The following SYS1 variants were observed in gnomAD, a reference collection of about 807,000 sequenced individuals.
SYS1 encodes the protein SYS1 golgi trafficking protein, also known as protein SYS1 homolog.
SYS1 carries 8 observed loss-of-function variants against 17.8 expected under a neutral mutation model. That is an observed-to-expected ratio of 0.45 (90% CI 0.26 to 0.81). SYS1 has a LOEUF of 0.81. Ranked by LOEUF, SYS1 falls within the 40% of genes least tolerant of loss-of-function variation. The pLI is 0.16. For synonymous variants in SYS1, 95 were observed against 90.9 expected (o/e 1.05, Z -0.26); for missense variants, 161 against 203.9 (o/e 0.79, Z 1.28).
chr20:45,375,643 T>G, exon 4 of SYS1: 1 of 1,481,248 alleles, frequency 6.8e-7, no homozygotes. Context: ...GGGAGCCTGT[T>G]AAGAAAGGCT....
rs1320799510 is a variant in SYS1 at position 45,364,050 on chromosome 20, G to GGAAA, written c.162+358_162+361dup. Reference sequence around the variant, plus strand: ...AAAAGAGCATTCGTGCGGGTACAGTGGAAACTGCCTGGACTTTGGGGTCAG... The same window carrying GGAAA: ...AAAAGAGCATTCGTGCGGGTACAGTGGAAAGAAACTGCCTGGACTTTGGGGTCAG... On this transcript the variant is annotated intron_variant, in intron 2 of 3. Coordinates refer to ENST00000243918, the MANE Select transcript of SYS1 (RefSeq NM_033542.4). Among the ~76,000 whole-genome samples the GGAAA allele has an allele frequency of 9.2e-5, 14 of 152,330 alleles. No homozygotes were observed. In the South Asian group the frequency reaches 2.9e-3, roughly 32 times the overall value.
downstream of SYS1, among the ~76,000 whole-genome samples, chr20:45,369,581 A>G (rs1988513498): frequency 6.7e-6 from 1 of 148,236 alleles, no homozygotes; most frequent in African/African-American, 2.5e-5. Flanking sequence ...TACATTAAAT[A>G]TAGCCAGAGA....
At chr20:45,375,515 C>T in exon 4 of SYS1, 1 of 1,611,006 alleles carries the variant, frequency 6.2e-7, no homozygotes. Flanking sequence ...TGGAACTCTT[C>T]ATTATTTTGT....
downstream of SYS1, among the ~76,000 whole-genome samples, chr20:45,369,934 T>A (rs1422407431): frequency 6.6e-6 from 1 of 151,004 alleles, no homozygotes; most frequent in African/African-American, 2.4e-5. Flanking sequence ...CTTTTTTTTT[T>A]TTGAAACAGA....
At chr20:45,365,524 T>C in intron 2 of SYS1, 95 bp from the exon 3 acceptor site, 4 of 1,207,392 alleles carry the variant, frequency 3.3e-6, no homozygotes, top group Non-Finnish European at 1.2e-6. Context: ...TTCTGTGCTC[T>C]GGGAAGAATG....
exon 4 of SYS1, chr20:45,376,137 T>C (rs760641): frequency 0.64 from 98,082 of 152,148 alleles, 32,383 homozygotes; most frequent in African/African-American, 0.74. Flanking sequence ...TCCTGATCCT[T>C]CTAGCTCTAT....
chr20:45,373,875 C>G, downstream of SYS1: 1 of 1,578,702 alleles, frequency 6.3e-7, no homozygotes, highest in Non-Finnish European at 8.7e-7. Flanking sequence ...GCAGAGTAAG[C>G]AGTATTCGTC....
Position 45,368,149 on chromosome 20 carries a change from G to A in SYS1, c.*1034G>A, listed in dbSNP as rs928941768. The A allele has an allele frequency of 2.4e-5, 24 of 985,300 alleles. No individual in the cohort carries two copies. In the African/African-American group the frequency reaches 3.5e-4, roughly 14 times the overall value. The allele number at this position is 985,300 out of a possible 1,614,324, so 61.0% of individuals were successfully genotyped here. A position where few individuals can be genotyped will look rare whatever the true frequency, so the allele number is the denominator to read the frequency against. ...GCACTTACTTTGTAATGCCACGGTT[G>A]AGATTGAGAGAGATCAGCGCAGCCA... On this transcript the variant is annotated 3_prime_UTR_variant, in exon 4 of 4. Coordinates refer to ENST00000243918, the MANE Select transcript of SYS1 (RefSeq NM_033542.4).
chr20:45,365,388 C>G (rs1568917098), intron 2 of SYS1: 1 of 630,600 alleles, frequency 1.6e-6, no homozygotes, highest in Non-Finnish European at 2.9e-6. Context: ...GTTTTTACGT[C>G]CTCCTTTGTA....
At chr20:45,365,387 T>C in intron 2 of SYS1, 1 of 628,668 alleles carries the variant, frequency 1.6e-6, no homozygotes. Flanking sequence ...AGTTTTTACG[T>C]CCTCCTTTGT....
chr20:45,371,836 G>T (rs73907925), downstream of SYS1, among the ~76,000 whole-genome samples: 4,142 of 152,276 alleles, frequency 0.027, 184 homozygotes, highest in African/African-American at 0.094. Flanking sequence ...TGATGGCCGT[G>T]GTGTGGCGTG....
exon 4 of SYS1, chr20:45,376,084 CA>C (rs199567398): frequency 7.3e-5 from 11 of 150,192 alleles, no homozygotes; most frequent in Non-Finnish European, 1.0e-4. Flanking sequence ...TGTCTCCATA[CA>C]AAAAAAAAAT....
chr20:45,367,689 C>T lies in SYS1; in HGVS notation c.*574C>T. The T allele has an allele frequency of 2.0e-6, 2 of 990,952 alleles. No homozygotes were observed. The highest frequency in any genetic ancestry group is 1.1e-4 in the East Asian group (1 of 8,914). 61.4% of individuals were successfully genotyped at this position (990,952 alleles called of 1,614,324 possible). ...GGAGGCATCAAGCACAAGGAAAATG[C>T]ACAACCTGTGCCCTGTTATACACAC... On this transcript the variant is annotated 3_prime_UTR_variant, in exon 4 of 4. Coordinates refer to ENST00000243918, the MANE Select transcript of SYS1 (RefSeq NM_033542.4).
Position 45,367,532 on chromosome 20 carries a change from C to T in SYS1, c.*417C>T, listed in dbSNP as rs576059376. 5.9e-5 allele frequency: 59 copies of T among 1,001,896 alleles called. 1 individual carries two copies. In the South Asian group the frequency reaches 2.2e-3, roughly 38 times the overall value. The allele number at this position is 1,001,896 out of a possible 1,614,324, so 62.1% of individuals were successfully genotyped here. A position where few individuals can be genotyped will look rare whatever the true frequency, so the allele number is the denominator to read the frequency against. On this transcript the variant is annotated 3_prime_UTR_variant, in exon 4 of 4. Transcript: ENST00000243918. ...TTACCTTTGCAGTGTTGCCGAATCA[C>T]AGCAGTTACCTTTGCAGTGTTGCCG... is the stretch of plus-strand genomic sequence containing the variant.
At chr20:45,373,393 T>G (rs1568921118), downstream of SYS1, 1 of 169,744 alleles carries the variant, frequency 5.9e-6, no homozygotes, top group Non-Finnish European at 1.3e-5. Context: ...GCAATCAGTT[T>G]TTGACAATCA....
rs1988438741 is a variant in SYS1 at position 45,367,019 on chromosome 20, G to A, written c.375G>A (p.Val125=). The A allele has an allele frequency of 6.2e-7, 1 of 1,614,218 alleles. No homozygotes were observed. The highest frequency in any genetic ancestry group is 1.3e-5 in the African/African-American group (1 of 75,060). The stretch of plus-strand genomic sequence containing the variant: ...TGACCTGGTGGCTGGTCCAAGCCGT[G>A]TGCATTGCACTCATGGCTGTCATCG... ...SALTWWLVQA[V]CIALMAVIGE... is the part of the protein sequence containing the mutation. Residue 125 remains valine, a synonymous_variant, in exon 4 of 4, where the codon GTG becomes GTA. Coordinates refer to ENST00000243918, the MANE Select transcript of SYS1 (RefSeq NM_033542.4).
rs1988279059 is a variant in SYS1, at chr20:45,363,196, C to T, written c.-123C>T. ...GCTCCTGCCGCCGTGGTCGCTGGAG[C>T]TTTGCCTCTCTAGGCCGGCAGCGCC... On this transcript the variant is annotated 5_prime_UTR_variant, in exon 1 of 4. Transcript: ENST00000243918. 9.4e-7 allele frequency: 1 copy of T among 1,068,894 alleles called. No individual in the cohort carries two copies. The highest frequency in any genetic ancestry group is 1.7e-5 in the African/African-American group (1 of 59,910). 66.2% of individuals were successfully genotyped at this position (1,068,894 alleles called of 1,614,324 possible).
At position 45,375,254 on chromosome 20, in the gene SYS1, T is replaced by G; in HGVS notation, c.*960T>G. ...CTATTGCGGTAGGGCTTAATGAAGA[T>G]GACTCGGGGGCCCTCGGTGAGTGGT... is the stretch of plus-strand genomic sequence containing the variant. On this transcript the variant is annotated 3_prime_UTR_variant, in exon 4 of 4. Coordinates refer to the SYS1 transcript ENST00000426004. The G allele has an allele frequency of 1.9e-6, 3 of 1,614,188 alleles. No homozygotes were observed. Among genetic ancestry groups the G allele is most frequent in the Non-Finnish European group, 2.5e-6 (3 of 1,180,034 alleles).
At chr20:45,363,063 T>A, upstream of SYS1, 1 of 981,676 alleles carries the variant, frequency 1.0e-6, no homozygotes, top group Non-Finnish European at 1.2e-6. Context: ...TCCGGCTGCT[T>A]GTACCTGGTT....
Sources: gnomAD v4.1 joint callset for allele counts (sites outside exome capture counted in the v4.1 genomes callset) on GRCh38, gnomAD v4.1.1 for gene constraint, MANE v1.5 for transcripts, NCBI Gene and HGNC (gene_info 2026-07-23, HGNC 2026-07-21) for gene names.